Variants in TM9SF4 observed in about 807,000 individuals in gnomAD.
The protein encoded by TM9SF4 is transmembrane 9 superfamily member 4.
Under a neutral mutation model 90.4 loss-of-function variants are expected in TM9SF4, and 26 were observed. The observed-to-expected ratio is 0.29, with a 90% CI of 0.21 to 0.40. The LOEUF (loss-of-function observed/expected upper bound fraction) is 0.40. Ranked by LOEUF, TM9SF4 falls within the 10% of genes least tolerant of loss-of-function variation. The pLI, the probability that TM9SF4 is intolerant of heterozygous loss-of-function variation, is 1.00. For synonymous variants in TM9SF4, 293 were observed against 315.4 expected (o/e 0.93, Z 0.75); for missense variants, 549 against 834.8 (o/e 0.66, Z 4.22).
Position 32,155,268 on chromosome 20 carries a change from C to T in TM9SF4, c.1329+82C>T, listed in dbSNP as rs550968162. On this transcript the variant is annotated intron_variant, in intron 13 of 17. Transcript: ENST00000398022. ...TCAGCCCTACTCCCAAAAGCCACTTCCTGCCATTCCCTTCCCTTTTCTGAG... is the reference window on the plus strand; with the variant it reads ...TCAGCCCTACTCCCAAAAGCCACTTTCTGCCATTCCCTTCCCTTTTCTGAG... The T allele has an allele frequency of 8.3e-5, 94 of 1,129,860 alleles. No homozygotes were observed. In the African/African-American group the frequency reaches 1.1e-3, roughly 13 times the overall value. 70.0% of individuals were successfully genotyped at this position (1,129,860 alleles called of 1,614,324 possible). A position where few individuals can be genotyped will look rare whatever the true frequency, so the allele number is the denominator to read the frequency against.
chr20:32,113,888 A>G (rs1282010007), intron 1 of TM9SF4, among the ~76,000 whole-genome samples: 1 of 152,198 alleles, frequency 6.6e-6, no homozygotes, highest in Non-Finnish European at 1.5e-5. Context: ...TATTCTGGAC[A>G]TTTTATACAA....
At position 32,157,952 on chromosome 20, in the gene TM9SF4, C is replaced by T; in HGVS notation, c.1488C>T (p.Tyr496=). The change falls in exon 14 of 18, where the codon TAC becomes TAT. Residue 496 remains tyrosine (Y), a synonymous_variant. Coordinates refer to ENST00000398022, the MANE Select transcript of TM9SF4 (RefSeq NM_014742.4). ...IPRQIPEQRW[Y]MNRFVGILMA... Reference sequence around the variant, plus strand: ...GGCAGATCCCCGAGCAGCGGTGGTACATGAACCGATTTGTGGGGTGAGTCC... The same window carrying T: ...GGCAGATCCCCGAGCAGCGGTGGTATATGAACCGATTTGTGGGGTGAGTCC... 6.2e-7 allele frequency: 1 copy of T among 1,614,116 alleles called. No individual in the cohort carries two copies. The highest frequency in any genetic ancestry group is 8.5e-7 in the Non-Finnish European group (1 of 1,180,016).
chr20:32,118,950 G>GATTTAATACA (rs762722058), intron 1 of TM9SF4, among the ~76,000 whole-genome samples: 375 of 152,208 alleles, frequency 2.5e-3, no homozygotes, highest in Non-Finnish European at 4.4e-3. Flanking sequence ...TTTAATAAGG[G>GATTTAATACA]TGATCCATGT....
At position 32,136,092 on chromosome 20, in the gene TM9SF4, T is replaced by G. The variant is rs756191563; in HGVS notation, c.148T>G (p.Ser50Ala). 2.5e-6 allele frequency: 4 copies of G among 1,614,186 alleles called. No individual in the cohort carries two copies. The highest frequency in any genetic ancestry group is 3.4e-6 in the Non-Finnish European group (4 of 1,180,024). Residue 50 changes from serine to alanine, a missense_variant, in exon 3 of 18, where the codon TCT (serine) becomes GCT (alanine). This residue lies in a region of TM9SF4 where 495 missense variants were observed against 711.7 expected (regional missense o/e 0.70). Transcript: ENST00000398022. Reference protein sequence around the residue: ...VEIKAVKLTSSRTQLPYEYYS... With the variant: ...VEIKAVKLTSARTQLPYEYYS... Reference sequence around the variant, plus strand: ...CCATCAGGCTGTGAAGCTCACCAGCTCTCGAACCCAGCTACCTTATGAATA... The same window carrying G: ...CCATCAGGCTGTGAAGCTCACCAGCGCTCGAACCCAGCTACCTTATGAATA...
intron 1 of TM9SF4, among the ~76,000 whole-genome samples, chr20:32,112,251 T>TA (rs2122295986): frequency 6.6e-6 from 1 of 151,788 alleles, no homozygotes; most frequent in African/African-American, 2.4e-5. Context: ...ACAAAAAAAA[T>TA]ACAAAAAGAA....
chr20:32,149,619 GGCCCTTC>G lies in TM9SF4; in HGVS notation c.955-12_955-6del, dbSNP rs751144858. On this transcript the variant is annotated splice_polypyrimidine_tract_variant and splice_region_variant and intron_variant, in intron 9 of 17. Coordinates refer to ENST00000398022, the MANE Select transcript of TM9SF4 (RefSeq NM_014742.4). ...CATCTTCAACAACCAGCCTCACTCT[GGCCCTTC>G]GCTGCAGGAAGACACCATGGAGGAG... 6.2e-7 allele frequency: 1 copy of G among 1,614,150 alleles called. No individual in the cohort carries two copies. The highest frequency in any genetic ancestry group is 8.5e-7 in the Non-Finnish European group (1 of 1,180,022).
At chr20:32,109,882 C>A (rs753587895) in intron 1 of TM9SF4, 127 bp downstream of exon 1, 1 of 1,515,318 alleles carries the variant, frequency 6.6e-7, no homozygotes, top group Admixed American at 2.1e-5. Flanking sequence ...TGAGGGCTAC[C>A]TCTGACTGGG....
At chr20:32,145,005 G>C in intron 6 of TM9SF4, 86 bp from the exon 7 acceptor site, 1 of 1,291,646 alleles carries the variant, frequency 7.7e-7, no homozygotes, top group Non-Finnish European at 1.1e-6. Context: ...CTCCGCGACA[G>C]GCAGCCTTGA....
intron 1 of TM9SF4, among the ~76,000 whole-genome samples, chr20:32,117,629 C>T (rs2046246013): frequency 7.0e-6 from 1 of 141,926 alleles, no homozygotes; most frequent in South Asian, 2.4e-4. Flanking sequence ...AGTGCCCAAC[C>T]CACCCCCGCC....
chr20:32,109,991 C>T (rs1389761336), intron 1 of TM9SF4: 4 of 1,412,276 alleles, frequency 2.8e-6, no homozygotes, highest in Non-Finnish European at 3.7e-6. Flanking sequence ...AGGAAGACCT[C>T]GGCTGCTGCC....
At chr20:32,126,563 T>A (rs188368306) in intron 1 of TM9SF4, among the ~76,000 whole-genome samples, 2 of 152,288 alleles carry the variant, frequency 1.3e-5, no homozygotes, top group East Asian at 3.9e-4. Flanking sequence ...CAACATATTG[T>A]TCTTAGCCTC....
Position 32,158,307 on chromosome 20 carries a change from G to A in TM9SF4, c.1506-144G>A, listed in dbSNP as rs1481089567. On this transcript the variant is annotated intron_variant, in intron 14 of 17. Coordinates refer to ENST00000398022, the MANE Select transcript of TM9SF4 (RefSeq NM_014742.4). ...TGCCCACCCTGCCTACCTCTCAAGA[G>A]ATTATAATAGTACAGAAATATGCCA... 10 of 862,626 alleles carry A rather than the reference G, an allele frequency of 1.2e-5. No individual in the cohort carries two copies. In the East Asian group the frequency reaches 1.7e-4, roughly 15 times the overall value. The allele number at this position is 862,626 out of a possible 1,614,324, so 53.4% of individuals were successfully genotyped here. A position where few individuals can be genotyped will look rare whatever the true frequency, so the allele number is the denominator to read the frequency against.
rs566789780 is a variant in TM9SF4, at chr20:32,127,023, C to T, written c.16-5990C>T. On this transcript the variant is annotated intron_variant, in intron 1 of 17. Coordinates refer to ENST00000398022, the MANE Select transcript of TM9SF4 (RefSeq NM_014742.4). ...TGCTAGGATTACAGGCACGAGCCAC[C>T]GCACCCAGCCTGTTGAACTAATTTC... is the stretch of plus-strand genomic sequence containing the variant. Among the ~76,000 whole-genome samples, 9 of 152,258 alleles carry T rather than the reference C, an allele frequency of 5.9e-5. No individual in the cohort carries two copies. In the East Asian group the frequency reaches 7.7e-4, roughly 13 times the overall value.
At chr20:32,163,268 A>AT (rs1262014914) in intron 17 of TM9SF4, among the ~76,000 whole-genome samples, 107 of 74,156 alleles carry the variant, frequency 1.4e-3, no homozygotes, top group Middle Eastern at 7.6e-3. Context: ...AAAAAAAAAA[A>AT]ATATATATAT....
At chr20:32,164,349 T>C (rs2281364) in intron 17 of TM9SF4, among the ~76,000 whole-genome samples, 64,282 of 151,936 alleles carry the variant, frequency 0.42, 13,968 homozygotes, top group East Asian at 0.74. Flanking sequence ...AAGACACCAT[T>C]GCTAGAAAAA....
chr20:32,128,790 C>CTGTGTGTGTG (rs55977888), intron 1 of TM9SF4, among the ~76,000 whole-genome samples: 11,971 of 145,212 alleles, frequency 0.082, 548 homozygotes, highest in African/African-American at 0.09. Flanking sequence ...GTATTCCATT[C>CTGTGTGTGTG]TGTGTGTGTG....
rs189276470 is a variant in TM9SF4 at position 32,117,170 on chromosome 20, G to T, written c.15+7415G>T. Among the ~76,000 whole-genome samples the T allele has an allele frequency of 3.6e-3, 499 of 136,846 alleles. 1 individual carries two copies. The highest frequency in any genetic ancestry group is 0.013 in the African/African-American group (469 of 36,328). 89.8% of individuals were successfully genotyped at this position (136,846 alleles called of 152,430 possible). On this transcript the variant is annotated intron_variant, in intron 1 of 17. Transcript: ENST00000398022. ...ACCCAGGAGGCGGAGGTTGCAGTGAGCCAAGATCATATCACTGCACTCTAG... is the reference window on the plus strand; with the variant it reads ...ACCCAGGAGGCGGAGGTTGCAGTGATCCAAGATCATATCACTGCACTCTAG...
intron 17 of TM9SF4, among the ~76,000 whole-genome samples, chr20:32,164,709 G>A (rs539197417): frequency 6.6e-6 from 1 of 152,182 alleles, no homozygotes; most frequent in East Asian, 1.9e-4. Context: ...TCAGGCCCTG[G>A]GCATATCTTG....
chr20:32,152,092 G>C (rs1056595369), intron 12 of TM9SF4, among the ~76,000 whole-genome samples: 9 of 150,794 alleles, frequency 6.0e-5, no homozygotes, highest in African/African-American at 2.0e-4. Flanking sequence ...GGATGGTCTC[G>C]ATCTCCTGAC....
Sources: gnomAD v4.1 joint callset for allele counts (sites outside exome capture counted in the v4.1 genomes callset) on GRCh38, gnomAD v4.1.1 for gene constraint, gnomAD v4.1.1 regional missense constraint, MANE v1.5 for transcripts, NCBI Gene and HGNC (gene_info 2026-07-23, HGNC 2026-07-21) for gene names.